TMEM156: variants seen among roughly 807,000 people sequenced by gnomAD.
TMEM156 encodes the protein transmembrane protein 156.
In TMEM156, 28 loss-of-function variants were observed where a neutral mutation model predicts 30.5. That is an observed-to-expected ratio of 0.92 (90% CI 0.68 to 1.26). TMEM156 has a LOEUF of 1.26. Ranked by LOEUF, TMEM156 falls within the 50% of genes most tolerant of loss-of-function variation. The pLI is 0.00. For synonymous variants in TMEM156, 137 were observed against 119.9 expected, an observed-to-expected ratio of 1.14 and a Z score of -0.93; for missense variants, 351 against 340.6, an observed-to-expected ratio of 1.03 and a Z score of -0.24.
intron 1 of TMEM156, chr4:39,028,371 A>G (rs1374083990): frequency 1.3e-5 from 2 of 152,206 alleles, no homozygotes; most frequent in Non-Finnish European, 2.9e-5. Context: ...ATACTAGGTG[A>G]TCATTTGAAC....
intron 1 of TMEM156, among the ~76,000 whole-genome samples, chr4:39,020,645 G>A (rs558858122): frequency 9.9e-5 from 15 of 152,090 alleles, no homozygotes; most frequent in South Asian, 4.1e-4. Context: ...TCCACCTCCC[G>A]TTCGAGCAAT....
chr4:38,996,791 T>C (rs1712966281), intron 2 of TMEM156, among the ~76,000 whole-genome samples: 1 of 152,140 alleles, frequency 6.6e-6, no homozygotes, highest in Non-Finnish European at 1.5e-5. Flanking sequence ...GAAGACACAA[T>C]CTGCATTCTC....
chr4:38,971,052 A>T lies in TMEM156; in HGVS notation c.*18T>A, dbSNP rs911240675. 3 of 1,611,074 alleles carry T rather than the reference A, an allele frequency of 1.9e-6. No individual in the cohort carries two copies. The highest frequency in any genetic ancestry group is 2.5e-6 in the Non-Finnish European group (3 of 1,177,322). On this transcript the variant is annotated 3_prime_UTR_variant, in exon 6 of 7. Coordinates refer to ENST00000381938, the MANE Select transcript of TMEM156 (RefSeq NM_024943.3). Reference sequence around the variant, plus strand: ...CTCACCGTGTATATTGATCTCACTGATGCACTGTGGAAGTAACTTATAGTT... The same window carrying T: ...CTCACCGTGTATATTGATCTCACTGTTGCACTGTGGAAGTAACTTATAGTT...
intron 6 of TMEM156, among the ~76,000 whole-genome samples, chr4:38,968,796 C>A (rs1032187779): frequency 6.6e-6 from 1 of 152,164 alleles, no homozygotes; most frequent in Non-Finnish European, 1.5e-5. Context: ...TTCAATTTGG[C>A]GTATTGAGCC....
At chr4:38,988,497 G>T (rs1302094434) in intron 4 of TMEM156, among the ~76,000 whole-genome samples, 4 of 152,190 alleles carry the variant, frequency 2.6e-5, no homozygotes, top group Non-Finnish European at 5.9e-5. Context: ...CTCCCAAGGT[G>T]CTGGGATTAC....
chr4:39,005,294 G>A (rs1713654868), intron 1 of TMEM156, among the ~76,000 whole-genome samples: 1 of 152,198 alleles, frequency 6.6e-6, no homozygotes, highest in African/African-American at 2.4e-5. Flanking sequence ...GAGGGACCTG[G>A]TGGGAGATGA....
intron 1 of TMEM156, among the ~76,000 whole-genome samples, chr4:39,021,659 A>G (rs922052787): frequency 2.0e-5 from 3 of 152,110 alleles, no homozygotes; most frequent in African/African-American, 4.8e-5. Flanking sequence ...TCTCATTTGT[A>G]TATGTCTGCT....
chr4:38,976,734 C>A (rs1722872449), intron 5 of TMEM156, among the ~76,000 whole-genome samples: 1 of 152,216 alleles, frequency 6.6e-6, no homozygotes, highest in Non-Finnish European at 1.5e-5. Context: ...TGTTGCAGAT[C>A]TATTGAATTA....
At chr4:39,013,533 T>C (rs532434808) in intron 1 of TMEM156, among the ~76,000 whole-genome samples, 6 of 151,870 alleles carry the variant, frequency 4.0e-5, no homozygotes, top group Admixed American at 1.3e-4. Context: ...CCCGAGTAGC[T>C]GGGACTACAG....
intron 5 of TMEM156, among the ~76,000 whole-genome samples, chr4:38,981,155 G>A (rs1560358267): frequency 1.3e-5 from 2 of 152,152 alleles, no homozygotes; most frequent in Admixed American, 1.3e-4. Context: ...CTTGGTTGCA[G>A]GACATCTGGC....
intron 1 of TMEM156, among the ~76,000 whole-genome samples, chr4:39,002,081 T>G (rs1713402773): frequency 7.3e-6 from 1 of 136,992 alleles, no homozygotes; most frequent in African/African-American, 2.6e-5. Context: ...GAAACTACCA[T>G]CAGAGTGAAC....
At chr4:39,026,436 A>G (rs1715209879) in intron 1 of TMEM156, among the ~76,000 whole-genome samples, 1 of 152,150 alleles carries the variant, frequency 6.6e-6, no homozygotes, top group Non-Finnish European at 1.5e-5. Context: ...AGCAGTTAGA[A>G]AGCACCCTAA....
intron 5 of TMEM156, among the ~76,000 whole-genome samples, chr4:38,972,242 ATTTTTTTTTTTTTTT>A (rs144479056): frequency 3.0e-4 from 23 of 75,858 alleles, no homozygotes; most frequent in African/African-American, 1.4e-3. Flanking sequence ...TTCTCTGGGA[ATTTTTTTTTTTTTTT>A]TTTTTTTTTT....
intron 2 of TMEM156, among the ~76,000 whole-genome samples, chr4:38,996,162 A>G (rs1211189730): frequency 6.6e-6 from 1 of 152,050 alleles, no homozygotes; most frequent in African/African-American, 2.4e-5. Context: ...TGGCCTATTG[A>G]TATATGTGAA....
intron 1 of TMEM156, among the ~76,000 whole-genome samples, chr4:39,021,394 C>A (rs370396665): frequency 4.5e-4 from 65 of 145,342 alleles, no homozygotes; most frequent in African/African-American, 5.3e-4. Context: ...GACCTTGTCT[C>A]AAAAAAAAAT....
At chr4:39,018,399 T>C (rs1714641042) in intron 1 of TMEM156, among the ~76,000 whole-genome samples, 1 of 152,232 alleles carries the variant, frequency 6.6e-6, no homozygotes, top group Non-Finnish European at 1.5e-5. Context: ...TTGTTTAGAT[T>C]TACTCACATG....
rs186590028 is a variant in TMEM156 at position 39,003,366 on chromosome 4, C to T, written c.89-4457G>A. On this transcript the variant is annotated intron_variant, in intron 1 of 6. Transcript: ENST00000381938. ...TATTTTATTTTAAGATGGAGTTTTG[C>T]TCTTGTTGCCTAGGCTGGAGTGCAG... Among the ~76,000 whole-genome samples, 8 of 151,944 alleles carry T rather than the reference C, an allele frequency of 5.3e-5. No individual in the cohort carries two copies. The East Asian group carries it at 9.7e-4, about 18-fold the overall frequency.
chr4:39,029,531 G>A (rs1231513389), intron 1 of TMEM156, among the ~76,000 whole-genome samples: 1 of 13,292 alleles, frequency 7.5e-5, no homozygotes, highest in Non-Finnish European at 1.3e-4. Flanking sequence ...TGGCTAACAC[G>A]GTGAAACCCC....
In TMEM156 at chr4:38,993,969, T is replaced by C. The variant is rs1560368462; in HGVS notation, c.388A>G (p.Lys130Glu). Residue 130 changes from lysine to glutamate, a missense_variant, in exon 3 of 7, where the codon AAA becomes GAA. Transcript: ENST00000381938. ...VLIRRGSMEV[K>E]ANDFHSPCQH... Reference sequence around the variant, plus strand: ...CAAGGTGAATGAAAATCATTTGCTTTCACTTCCATTGATCCTCTCCTGATA... The same window carrying C: ...CAAGGTGAATGAAAATCATTTGCTTCCACTTCCATTGATCCTCTCCTGATA... 8 of 1,613,946 alleles carry C rather than the reference T, an allele frequency of 5.0e-6. No individual in the cohort carries two copies. The highest frequency in any genetic ancestry group is 5.9e-6 in the Non-Finnish European group (7 of 1,179,826).
Sources: allele counts gnomAD v4.1 joint callset (sites outside exome capture counted in the v4.1 genomes callset), GRCh38; gene constraint gnomAD v4.1.1; transcripts MANE v1.5; gene names NCBI Gene and HGNC (gene_info 2026-07-23, HGNC 2026-07-21).